PDP1: variants seen among roughly 807,000 people sequenced by gnomAD.
The protein encoded by PDP1 is pyruvate dehyrogenase phosphatase catalytic subunit 1.
PDP1 carries 14 observed loss-of-function variants against 37.1 expected under a neutral mutation model. The ratio of observed to expected loss-of-function variants is 0.38; its 90% CI spans 0.25 to 0.59. PDP1 has a LOEUF of 0.59. Among genes scored for constraint, PDP1 ranks in the 20% least tolerant of loss-of-function variants. PDP1 has a pLI of 0.67. For missense variants in PDP1, 544 were observed against 655.3 expected, an observed-to-expected ratio of 0.83 and a Z score of 1.85; for synonymous variants, 251 against 243.3, an observed-to-expected ratio of 1.03 and a Z score of -0.29.
rs1297267343 is a variant in PDP1, at chr8:93,924,506, T to C, written c.*833T>C. The C allele has an allele frequency of 1.8e-5, 3 of 167,246 alleles. No homozygotes were observed. Among genetic ancestry groups the C allele is most frequent in the South Asian group, 2.1e-4 (1 of 4,830 alleles). 10.4% of individuals were successfully genotyped at this position (167,246 alleles called of 1,614,324 possible). A position where few individuals can be genotyped will look rare whatever the true frequency, so the allele number is the denominator to read the frequency against. On this transcript the variant is annotated 3_prime_UTR_variant, in exon 2 of 2. Transcript: ENST00000297598. Reference sequence around the variant, plus strand: ...TGTAGCCACCAGCACATCACTCTTATGTAATCCCCAAAGGCTTGGCATGCC... The same window carrying C: ...TGTAGCCACCAGCACATCACTCTTACGTAATCCCCAAAGGCTTGGCATGCC...
Position 93,922,551 on chromosome 8 carries a change from T to G in PDP1, c.492T>G (p.Ala164=), listed in dbSNP as rs780250994. The change falls in exon 2 of 2, where the codon GCT becomes GCG. Residue 164 remains alanine (A), a synonymous_variant. Coordinates refer to ENST00000297598, the MANE Select transcript of PDP1 (RefSeq NM_018444.4). This position sits in a 1 kb window ranked among gnomAD's most constrained non-coding sequence, Gnocchi z 4.0. The stretch of plus-strand genomic sequence containing the variant: ...GTGAAAGACTCTTTTATTATATTGC[T>G]GTCTCTTTGTTACCCCATGAGACTT... ...AVSERLFYYI[A]VSLLPHETLL... The G allele has an allele frequency of 1.9e-6, 3 of 1,613,920 alleles. No individual in the cohort carries two copies. Among genetic ancestry groups the G allele is most frequent in the African/African-American group, 2.7e-5 (2 of 74,922 alleles).
At chr8:93,920,575 T>C in intron 1 of PDP1, 1 of 947,704 alleles carries the variant, frequency 1.1e-6, no homozygotes. Flanking sequence ...ATTCATTAAA[T>C]TTCCCAAATA....
In PDP1 at chr8:93,923,593, C is replaced by T. The variant is rs202225648; in HGVS notation, c.1534C>T (p.Arg512Ter). The change falls in exon 2 of 2, where the codon CGA becomes TGA. Residue 512 changes from arginine (R) to a stop codon, truncating the protein, a stop_gained. Coordinates refer to ENST00000297598, the MANE Select transcript of PDP1 (RefSeq NM_018444.4). LOFTEE classifies it high-confidence loss of function. This position sits in a 1 kb window ranked among gnomAD's most constrained non-coding sequence, Gnocchi z 4.3. The part of the protein sequence containing the change: ...KMLSLPEELA[R>*]MYRDDITIIV... ...GCTTAGTCTTCCTGAAGAGCTTGCTCGAATGTACAGAGATGACATTACAAT... is the reference window on the plus strand; with the variant it reads ...GCTTAGTCTTCCTGAAGAGCTTGCTTGAATGTACAGAGATGACATTACAAT... The T allele has an allele frequency of 1.2e-6, 2 of 1,613,914 alleles. No homozygotes were observed. Among genetic ancestry groups the T allele is most frequent in the Admixed American group, 1.7e-5 (1 of 60,028 alleles).
Position 93,924,997 on chromosome 8 carries a change from G to A in PDP1, c.*1324G>A, listed in dbSNP as rs774244422. 89 of 166,904 alleles carry A rather than the reference G, an allele frequency of 5.3e-4. No individual in the cohort carries two copies. Among genetic ancestry groups the A allele is most frequent in the Non-Finnish European group, 1.1e-3 (72 of 68,112 alleles). 10.3% of individuals were successfully genotyped at this position (166,904 alleles called of 1,614,324 possible). On this transcript the variant is annotated 3_prime_UTR_variant, in exon 2 of 2. Coordinates refer to ENST00000297598, the MANE Select transcript of PDP1 (RefSeq NM_018444.4). ...TGGCATTTTGTTCCTGTGTTTAATAGTGATCTGTATACAGCTGTGCACATA... is the reference window on the plus strand; with the variant it reads ...TGGCATTTTGTTCCTGTGTTTAATAATGATCTGTATACAGCTGTGCACATA...
At chr8:93,918,290 C>G (rs1160652927) in intron 1 of PDP1, among the ~76,000 whole-genome samples, 1 of 152,178 alleles carries the variant, frequency 6.6e-6, no homozygotes, top group Non-Finnish European at 1.5e-5. Flanking sequence ...AATCGGATTA[C>G]ATAAACTGGG....
rs1168196056 is a variant in PDP1 at position 93,923,919 on chromosome 8, G to A, written c.*246G>A. On this transcript the variant is annotated 3_prime_UTR_variant, in exon 2 of 2. Transcript: ENST00000297598. The surrounding 1 kb of genome is among the most constrained non-coding windows in gnomAD (Gnocchi z 4.3). Reference sequence around the variant, plus strand: ...AGCAAGTCACTTCTTTATCACAGGTGTCTTGAAACATTAGCTTCTTTTACC... The same window carrying A: ...AGCAAGTCACTTCTTTATCACAGGTATCTTGAAACATTAGCTTCTTTTACC... 3 of 473,702 alleles carry A rather than the reference G, an allele frequency of 6.3e-6. No homozygotes were observed. Among genetic ancestry groups the A allele is most frequent in the Non-Finnish European group, 1.2e-5 (3 of 248,274 alleles). The allele number at this position is 473,702 out of a possible 1,614,324, so 29.3% of individuals were successfully genotyped here.
At position 93,916,956 on chromosome 8, in the gene PDP1, A is replaced by G. The variant is rs1282373433; in HGVS notation, c.-168A>G. On this transcript the variant is annotated 5_prime_UTR_variant, in exon 1 of 2. Coordinates refer to ENST00000297598, the MANE Select transcript of PDP1 (RefSeq NM_018444.4). Reference sequence around the variant, plus strand: ...CGCACGGTAGGGGAGCAGAGTGGGCAGGCCGGGGGTGAGGGCTCGCGCTCC... The same window carrying G: ...CGCACGGTAGGGGAGCAGAGTGGGCGGGCCGGGGGTGAGGGCTCGCGCTCC... 2.2e-6 allele frequency: 1 copy of G among 445,506 alleles called. No homozygotes were observed. The highest frequency in any genetic ancestry group is 4.4e-6 in the Non-Finnish European group (1 of 227,004). 27.6% of individuals were successfully genotyped at this position (445,506 alleles called of 1,614,324 possible).
intron 1 of PDP1, among the ~76,000 whole-genome samples, chr8:93,917,398 G>C (rs1810102906): frequency 6.6e-6 from 1 of 151,984 alleles, no homozygotes; most frequent in Admixed American, 6.6e-5. Flanking sequence ...AGGCTGTAGG[G>C]CTGCGGCACT....
chr8:93,918,789 A>C (rs1810168175), intron 1 of PDP1: 1 of 152,252 alleles, frequency 6.6e-6, no homozygotes, highest in Non-Finnish European at 1.5e-5. Flanking sequence ...GAATCAGTGG[A>C]TAATCTGAAG....
intron 1 of PDP1, 87 bp downstream of exon 1, chr8:93,917,166 G>T (rs1810088916): frequency 2.4e-6 from 1 of 410,074 alleles, no homozygotes; most frequent in Admixed American, 3.3e-5. Context: ...GGGCGTGCTC[G>T]CGGATCGGCG....
chr8:93,918,770 CTTG>C (rs1285817968), intron 1 of PDP1: 8 of 152,280 alleles, frequency 5.3e-5, no homozygotes, highest in Non-Finnish European at 1.0e-4. Context: ...AGAGTGTTTT[CTTG>C]TTGTTGAATC....
At chr8:93,917,723 C>T in intron 1 of PDP1, 2 of 1,230,752 alleles carry the variant, frequency 1.6e-6, no homozygotes, top group Non-Finnish European at 2.3e-6. Context: ...CTCCTCCATC[C>T]TCTTCCCCCC....
chr8:93,921,035 T>TA, intron 1 of PDP1: 4 of 984,874 alleles, frequency 4.1e-6, no homozygotes, highest in Non-Finnish European at 4.8e-6. Flanking sequence ...CCATTTATGT[T>TA]ACTAACAAAG....
chr8:93,922,453 T>C lies in PDP1; in HGVS notation c.394T>C (p.Cys132Arg), dbSNP rs1810309498. 1 of 1,614,084 alleles carries C rather than the reference T, an allele frequency of 6.2e-7. No homozygotes were observed. Among genetic ancestry groups the C allele is most frequent in the South Asian group, 1.1e-5 (1 of 91,088 alleles). ...TGAGGACCGGAGAAGTGCAGCAACC[T>C]GCTTGCAGACCAGAGGGATGCTTTT... ...PIEDRRSAAT[C>R]LQTRGMLLGV... Residue 132 changes from cysteine (C) to arginine (R), a missense_variant, in exon 2 of 2, where the codon TGC (cysteine) becomes CGC (arginine). Around this residue, in one of 5 missense-constraint regions of PDP1, gnomAD observed 342 missense variants for 414.0 expected, o/e 0.83. Coordinates refer to ENST00000297598, the MANE Select transcript of PDP1 (RefSeq NM_018444.4). The surrounding 1 kb of genome is among the most constrained non-coding windows in gnomAD (Gnocchi z 4.0).
At position 93,922,214 on chromosome 8, in the gene PDP1, A is replaced by G; in HGVS notation, c.155A>G (p.Tyr52Cys). 5 of 1,614,222 alleles carry G rather than the reference A, an allele frequency of 3.1e-6. No homozygotes were observed. The highest frequency in any genetic ancestry group is 3.3e-5 in the Admixed American group (2 of 60,026). ...SRLRYTPHPA[Y>C]ATFCRPKENW... ...CTGAGATACACACCTCATCCAGCAT[A>G]TGCTACCTTTTGCAGGCCAAAGGAG... The change falls in exon 2 of 2, where the codon TAT becomes TGT. Residue 52 changes from tyrosine (Y) to cysteine (C), a missense_variant. Coordinates refer to ENST00000297598, the MANE Select transcript of PDP1 (RefSeq NM_018444.4). This position sits in a 1 kb window ranked among gnomAD's most constrained non-coding sequence, Gnocchi z 4.0.
intron 1 of PDP1, 92 bp downstream of exon 1, chr8:93,917,171 T>C (rs1282360966): frequency 9.8e-6 from 4 of 407,916 alleles, no homozygotes. Flanking sequence ...TGCTCGCGGA[T>C]CGGCGGCCGC....
intron 1 of PDP1, 99 bp from the exon 2 acceptor site, chr8:93,921,917 G>A (rs1810284038): frequency 1.3e-6 from 1 of 797,478 alleles, no homozygotes; most frequent in Admixed American, 2.7e-5. Flanking sequence ...TTAACATGTA[G>A]ATTGACTTGC....
In PDP1 at chr8:93,924,130, A is replaced by G. The variant is rs1346615463; in HGVS notation, c.*457A>G. 4 of 179,828 alleles carry G rather than the reference A, an allele frequency of 2.2e-5. No homozygotes were observed. Among genetic ancestry groups the G allele is most frequent in the Non-Finnish European group, 5.3e-5 (4 of 75,370 alleles). The allele number at this position is 179,828 out of a possible 1,614,324, so 11.1% of individuals were successfully genotyped here. A position where few individuals can be genotyped will look rare whatever the true frequency, so the allele number is the denominator to read the frequency against. ...GATTTTCTAGATACACAGTCTATGC[A>G]TTATTCATATACATTTATTTTAGCC... On this transcript the variant is annotated 3_prime_UTR_variant, in exon 2 of 2. Coordinates refer to ENST00000297598, the MANE Select transcript of PDP1 (RefSeq NM_018444.4).
Position 93,922,951 on chromosome 8 carries a change from G to A in PDP1, c.892G>A (p.Val298Met), listed in dbSNP as rs373016029. 3.7e-6 allele frequency: 6 copies of A among 1,614,060 alleles called. No homozygotes were observed. Among genetic ancestry groups the A allele is most frequent in the Non-Finnish European group, 5.1e-6 (6 of 1,180,042 alleles). Residue 298 changes from valine to methionine, a missense_variant, in exon 2 of 2, where the codon GTG becomes ATG. Physicochemically the swap from Val to Met is conservative, Grantham distance 21. Around this residue, in one of 5 missense-constraint regions of PDP1, gnomAD observed 342 missense variants for 414.0 expected, o/e 0.83. Transcript: ENST00000297598. This position sits in a 1 kb window ranked among gnomAD's most constrained non-coding sequence, Gnocchi z 4.0. ...NTGDSRAMLGVQEEDGSWSAV... is the reference protein window; with the variant it reads ...NTGDSRAMLGMQEEDGSWSAV... ...TGGCGATAGCAGAGCCATGCTGGGT[G>A]TGCAGGAAGAGGACGGCTCATGGTC... is the stretch of plus-strand genomic sequence containing the variant.
Sources: allele counts gnomAD v4.1 joint callset (sites outside exome capture counted in the v4.1 genomes callset), GRCh38; gene constraint gnomAD v4.1.1; regional missense constraint gnomAD v4.1.1; non-coding constraint Gnocchi (gnomAD v3.1); transcripts MANE v1.5; gene names NCBI Gene and HGNC (gene_info 2026-07-23, HGNC 2026-07-21).